The following CARD14 variants were observed in gnomAD, a reference collection of about 807,000 sequenced individuals.
CARD14 encodes caspase recruitment domain-containing protein 14.
In CARD14, 107 loss-of-function variants were observed where a neutral mutation model predicts 111.5. The observed-to-expected ratio is 0.96, with a 90% CI of 0.82 to 1.13. The LOEUF is 1.13. CARD14 is among the 50% of genes most tolerant of loss of function. The probability of loss-of-function intolerance (pLI) is 0.00; values close to 1 mark genes in which losing one functional copy is unlikely to be tolerated. For missense variants in CARD14, 1,322 were observed against 1,362.3 expected, an observed-to-expected ratio of 0.97 and a Z score of 0.47; for synonymous variants, 617 against 579.6, an observed-to-expected ratio of 1.06 and a Z score of -0.93.
At position 80,198,998 on chromosome 17, in the gene CARD14, G is replaced by A; in HGVS notation, c.1851+407G>A. The A allele has an allele frequency of 1.1e-6, 1 of 891,336 alleles. No homozygotes were observed. Among genetic ancestry groups the A allele is most frequent in the East Asian group, 9.9e-5 (1 of 10,136 alleles). 55.2% of individuals were successfully genotyped at this position (891,336 alleles called of 1,614,324 possible). ...GGGTCTCACTCTGTCACCCAGGCTA[G>A]AGTGCTGCGGTGCGATCACAGCTCA... is the stretch of plus-strand genomic sequence containing the variant. On this transcript the variant is annotated intron_variant, in intron 16 of 23. Coordinates refer to ENST00000648509, the MANE Select transcript of CARD14 (RefSeq NM_001366385.1). The surrounding 1 kb of genome is among the most constrained non-coding windows in gnomAD (Gnocchi z 7.5).
Position 80,198,234 on chromosome 17 carries a change from A to G in CARD14, c.1658+72A>G, listed in dbSNP as rs548943372. On this transcript the variant is annotated intron_variant, in intron 15 of 23. Transcript: ENST00000648509. The surrounding 1 kb of genome is among the most constrained non-coding windows in gnomAD (Gnocchi z 7.5). The stretch of plus-strand genomic sequence containing the variant: ...CCAGGGAGTGGCAGAGCAGAGGGTG[A>G]GTGTCCTATTACCAATGGGAGGCAA... 1 of 1,585,382 alleles carries G rather than the reference A, an allele frequency of 6.3e-7. No individual in the cohort carries two copies. Among genetic ancestry groups the G allele is most frequent in the African/African-American group, 1.3e-5 (1 of 74,470 alleles).
rs769195915 is a variant in CARD14 at position 80,184,021 on chromosome 17, G to C, written c.458G>C (p.Cys153Ser). 1 of 1,586,154 alleles carries C rather than the reference G, an allele frequency of 6.3e-7. No individual in the cohort carries two copies. Among genetic ancestry groups the C allele is most frequent in the South Asian group, 1.1e-5 (1 of 87,298 alleles). Residue 153 changes from cysteine (C) to serine (S), a missense_variant, in exon 7 of 24, where the codon TGC becomes TCC. Transcript: ENST00000648509. ...CAGAAGGAGGTGCTGCTGCGGCGGT[G>C]CCAGCAGCTGCAGGAGCACCTGGGC... ...KGQKEVLLRR[C>S]QQLQEHLGLA... is the part of the protein sequence containing the mutation.
In CARD14 at chr17:80,203,070, C is replaced by T. The variant is rs1421585211; in HGVS notation, c.2219+650C>T. 1 of 152,390 alleles carries T rather than the reference C, an allele frequency of 6.6e-6. No individual in the cohort carries two copies. The highest frequency in any genetic ancestry group is 1.5e-5 in the Non-Finnish European group (1 of 68,262). The allele number at this position is 152,390 out of a possible 1,614,324, so 9.4% of individuals were successfully genotyped here. On this transcript the variant is annotated intron_variant, in intron 18 of 23. Transcript: ENST00000648509. This position sits in a 1 kb window ranked among gnomAD's most constrained non-coding sequence, Gnocchi z 4.6. ...ATCATCTGAGGTCAGGAGTTCGAGA[C>T]CAGCCTGGGTAACCTGGTGAAACCC...
At chr17:80,172,026 C>T (rs1341548839) in intron 1 of CARD14, among the ~76,000 whole-genome samples, 1 of 152,206 alleles carries the variant, frequency 6.6e-6, no homozygotes, top group Non-Finnish European at 1.5e-5. Context: ...ACCTGGCTGT[C>T]CAGAACTCCC....
Position 80,203,748 on chromosome 17 carries a change from C to G in CARD14, c.2220-74C>G, listed in dbSNP as rs2041118461. On this transcript the variant is annotated intron_variant, in intron 18 of 23. Transcript: ENST00000648509. This position sits in a 1 kb window ranked among gnomAD's most constrained non-coding sequence, Gnocchi z 4.6. Reference sequence around the variant, plus strand: ...CCACCCGGCCATCTCCCCCACTCTCCCCTGCTCGGCTCTCCCCTGCCCTGC... The same window carrying G: ...CCACCCGGCCATCTCCCCCACTCTCGCCTGCTCGGCTCTCCCCTGCCCTGC... 9 of 1,186,694 alleles carry G rather than the reference C, an allele frequency of 7.6e-6. No homozygotes were observed. Among genetic ancestry groups the G allele is most frequent in the Non-Finnish European group, 9.7e-6 (8 of 826,466 alleles). The allele number at this position is 1,186,694 out of a possible 1,614,324, so 73.5% of individuals were successfully genotyped here.
rs2041475545 is a variant in CARD14, at chr17:80,208,421, C to G, written c.*76C>G. 1 of 1,345,868 alleles carries G rather than the reference C, an allele frequency of 7.4e-7. No individual in the cohort carries two copies. Among genetic ancestry groups the G allele is most frequent in the Admixed American group, 2.3e-5 (1 of 43,926 alleles). 83.4% of individuals were successfully genotyped at this position (1,345,868 alleles called of 1,614,324 possible). On this transcript the variant is annotated 3_prime_UTR_variant, in exon 24 of 24. Coordinates refer to ENST00000648509, the MANE Select transcript of CARD14 (RefSeq NM_001366385.1). The stretch of plus-strand genomic sequence containing the variant: ...GCAGTCCTGTTCCTCAGCCCAGGCC[C>G]TCTTGGCACAGCTGTGGGCTCCTTG...
chr17:80,181,641 TGCGGGCCGGTGA>T lies in CARD14; in HGVS notation c.207_211+7del. On this transcript the variant is annotated splice_donor_variant and splice_donor_region_variant and coding_sequence_variant and intron_variant, in exon 5 of 24. Coordinates refer to ENST00000648509, the MANE Select transcript of CARD14 (RefSeq NM_001366385.1). LOFTEE classifies it high-confidence loss of function. ...AGCCCCCGGCTCACCAACAGCGCCATGCGGGCCGGTGAGCGCAGCTCCCTCTTCCCCACCTCT... is the reference window on the plus strand; with the variant it reads ...AGCCCCCGGCTCACCAACAGCGCCATGCGCAGCTCCCTCTTCCCCACCTCT... The T allele has an allele frequency of 6.5e-7, 1 of 1,547,096 alleles. No homozygotes were observed. Among genetic ancestry groups the T allele is most frequent in the Non-Finnish European group, 8.7e-7 (1 of 1,146,522 alleles).
chr17:80,199,708 G>A lies in CARD14; in HGVS notation c.1851+1117G>A, dbSNP rs548171778. Among the ~76,000 whole-genome samples, 34 of 143,064 alleles carry A rather than the reference G, an allele frequency of 2.4e-4. No individual in the cohort carries two copies. The East Asian group carries it at 4.4e-3, about 19-fold the overall frequency. 93.9% of individuals were successfully genotyped at this position (143,064 alleles called of 152,430 possible). A position where few individuals can be genotyped will look rare whatever the true frequency, so the allele number is the denominator to read the frequency against. ...AGCCTGGACAACATGGTGAAACCCC[G>A]TTTCTACTAAAAATACAAAAAAAAA... On this transcript the variant is annotated intron_variant, in intron 16 of 23. Coordinates refer to ENST00000648509, the MANE Select transcript of CARD14 (RefSeq NM_001366385.1).
intron 22 of CARD14, chr17:80,206,064 A>C (rs2041286229): frequency 6.0e-6 from 1 of 166,438 alleles, no homozygotes; most frequent in Admixed American, 5.7e-5. Flanking sequence ...GCGGAGCTCC[A>C]TGCCAAGTTC....
chr17:80,190,899 G>C lies in CARD14; in HGVS notation c.1089G>C (p.Gln363His). 3.1e-6 allele frequency: 5 copies of C among 1,613,498 alleles called. No individual in the cohort carries two copies. Among genetic ancestry groups the C allele is most frequent in the Non-Finnish European group, 4.2e-6 (5 of 1,179,960 alleles). Residue 363 changes from glutamine (Q) to histidine (H), a missense_variant and splice_region_variant, in exon 10 of 24, where the codon CAG becomes CAC. Gln to His is a conservative substitution (Grantham distance 24, BLOSUM62 0). Coordinates refer to ENST00000648509, the MANE Select transcript of CARD14 (RefSeq NM_001366385.1). ...GCGAGCTGCAGAAGGAGCGAGACCA[G>C]GTACCTGAGAGGCCGGGCCCACCCC... Reference protein sequence around the residue: ...QVCELQKERDQAYSARDSAQR... With the variant: ...QVCELQKERDHAYSARDSAQR...
At chr17:80,204,154 A>G in intron 19 of CARD14, 73 bp from the exon 20 acceptor site, 5 of 1,441,360 alleles carry the variant, frequency 3.5e-6, no homozygotes, top group Non-Finnish European at 4.7e-6. Context: ...AGTGCCAATC[A>G]TCTCCCCTGA....
intron 6 of CARD14, among the ~76,000 whole-genome samples, chr17:80,183,150 G>A (rs148326936): frequency 2.6e-5 from 4 of 152,234 alleles, no homozygotes; most frequent in African/African-American, 9.6e-5. Flanking sequence ...GGGCCAGAAC[G>A]GCCCAGCCTC....
chr17:80,205,704 G>C (rs751850543), intron 22 of CARD14, 52 bp downstream of exon 22: 6 of 1,486,472 alleles, frequency 4.0e-6, no homozygotes, highest in African/African-American at 2.8e-5. Flanking sequence ...AGGGTTTCAG[G>C]AATGCAGAGG....
chr17:80,189,670 G>A lies in CARD14; in HGVS notation c.844-83G>A, dbSNP rs1411933006. ...CGTCCACACACCTGACCGTGCAGTT[G>A]CCGCCATCTTCTCGGGATTCTGCTT... On this transcript the variant is annotated intron_variant, in intron 8 of 23. Transcript: ENST00000648509. This position sits in a 1 kb window ranked among gnomAD's most constrained non-coding sequence, Gnocchi z 4.7. 1.4e-6 allele frequency: 2 copies of A among 1,411,530 alleles called. No individual in the cohort carries two copies. Among genetic ancestry groups the A allele is most frequent in the South Asian group, 1.6e-5 (1 of 62,930 alleles). 87.4% of individuals were successfully genotyped at this position (1,411,530 alleles called of 1,614,324 possible). A position where few individuals can be genotyped will look rare whatever the true frequency, so the allele number is the denominator to read the frequency against.
intron 2 of CARD14, among the ~76,000 whole-genome samples, chr17:80,173,604 ATT>A (rs373407816): frequency 6.9e-6 from 1 of 143,938 alleles, no homozygotes. Flanking sequence ...CAGATTCGGC[ATT>A]TTTTTTTTTT....
Position 80,173,320 on chromosome 17 carries a change from ACACACG to A in CARD14, c.-367+94_-367+99del, listed in dbSNP as rs1328320963. On this transcript the variant is annotated intron_variant, in intron 2 of 23. Coordinates refer to ENST00000648509, the MANE Select transcript of CARD14 (RefSeq NM_001366385.1). ...CATGCACACACACACACACACACAC[ACACACG>A]CGCGCGCGCGCGCGCGGAATGACAG... 399 of 134,352 alleles carry A rather than the reference ACACACG, an allele frequency of 3.0e-3. 1 individual carries two copies. The highest frequency in any genetic ancestry group is 0.011 in the African/African-American group (365 of 34,512). The allele number at this position is 134,352 out of a possible 1,614,324, so 8.3% of individuals were successfully genotyped here. A position where few individuals can be genotyped will look rare whatever the true frequency, so the allele number is the denominator to read the frequency against.
chr17:80,202,734 G>A (rs2041053089), intron 18 of CARD14: 1 of 641,614 alleles, frequency 1.6e-6, no homozygotes, highest in African/African-American at 1.9e-5. Context: ...GGGCACTGCA[G>A]GATATAGAGC....
chr17:80,205,455 A>G (rs1480798771), intron 21 of CARD14, 76 bp from the exon 22 acceptor site: 3 of 1,531,224 alleles, frequency 2.0e-6, no homozygotes, highest in African/African-American at 1.4e-5. Context: ...TCACGGGGAC[A>G]GGGGTGTTTA....
chr17:80,186,774 T>G (rs2040358367), intron 7 of CARD14, among the ~76,000 whole-genome samples: 1 of 152,188 alleles, frequency 6.6e-6, no homozygotes, highest in Admixed American at 6.5e-5. Flanking sequence ...GGTCTCAAAC[T>G]CCTGACCTCA....
Sources: allele counts gnomAD v4.1 joint callset (sites outside exome capture counted in the v4.1 genomes callset), GRCh38; gene constraint gnomAD v4.1.1; non-coding constraint Gnocchi (gnomAD v3.1); transcripts MANE v1.5; gene names NCBI Gene and HGNC (gene_info 2026-07-23, HGNC 2026-07-21).